CLSPN: variants seen among roughly 807,000 people sequenced by gnomAD.
CLSPN encodes the protein claspin, also known as claspin homolog.
Under a neutral mutation model 156.3 loss-of-function variants are expected in CLSPN, and 85 were observed. The ratio of observed to expected loss-of-function variants is 0.54; its 90% CI spans 0.46 to 0.65. CLSPN has a LOEUF of 0.65. Among genes scored for constraint, CLSPN ranks in the 30% least tolerant of loss-of-function variants. The pLI, the probability that CLSPN is intolerant of heterozygous loss-of-function variation, is 0.00. For missense variants in CLSPN, 1,407 were observed against 1,554.9 expected (o/e 0.90, Z 1.60); for synonymous variants, 534 against 542.4 (o/e 0.98, Z 0.22).
chr1:35,747,991 T>C lies in CLSPN; in HGVS notation c.2543A>G (p.Glu848Gly), dbSNP rs1204433753. Residue 848 changes from glutamate to glycine, a missense_variant, in exon 14 of 25, where the codon GAG becomes GGG. Physicochemically the swap from Glu to Gly is moderately conservative, Grantham distance 98 (BLOSUM62 -2). Coordinates refer to ENST00000318121, the MANE Select transcript of CLSPN (RefSeq NM_022111.4). ...TGCTCCTAGGAAAAGTGTCTTAGGC[T>C]CTGGGGAGGCGTTATACAGATCCTG... is the stretch of plus-strand genomic sequence containing the variant. ...DSQDLYNASPEPKTLFLGAGD... is the reference protein window; with the variant it reads ...DSQDLYNASPGPKTLFLGAGD... 6.2e-7 allele frequency: 1 copy of C among 1,614,014 alleles called. No individual in the cohort carries two copies. Among genetic ancestry groups the C allele is most frequent in the African/African-American group, 1.3e-5 (1 of 74,924 alleles).
At chr1:35,760,205 C>G in intron 8 of CLSPN, 137 bp downstream of exon 8, 1 of 654,644 alleles carries the variant, frequency 1.5e-6, no homozygotes. Flanking sequence ...AGACTCTGCC[C>G]ATATCTGGAA....
In CLSPN at chr1:35,733,806, T is replaced by C; in HGVS notation, c.*2690A>G. 6.9e-6 allele frequency: 4 copies of C among 582,218 alleles called. No individual in the cohort carries two copies. The highest frequency in any genetic ancestry group is 8.6e-6 in the Non-Finnish European group (4 of 462,716). The allele number at this position is 582,218 out of a possible 1,614,324, so 36.1% of individuals were successfully genotyped here. A position where few individuals can be genotyped will look rare whatever the true frequency, so the allele number is the denominator to read the frequency against. On this transcript the variant is annotated 3_prime_UTR_variant, in exon 25 of 25. Coordinates refer to ENST00000318121, the MANE Select transcript of CLSPN (RefSeq NM_022111.4). ...CAGCTGGGGCAACACAGCAAGACCCTGTCTCTACTAAAATAAAATAATTAG... is the reference window on the plus strand; with the variant it reads ...CAGCTGGGGCAACACAGCAAGACCCCGTCTCTACTAAAATAAAATAATTAG...
chr1:35,734,701 GAAAAGA>G lies in CLSPN; in HGVS notation c.*1789_*1794del, dbSNP rs1406148768. The stretch of plus-strand genomic sequence containing the variant: ...TCAAAAAAAAAAAAAGAAAAGAAAA[GAAAAGA>G]AAAAGAAAAAGAAAAGAAAAGAAAA... On this transcript the variant is annotated 3_prime_UTR_variant, in exon 25 of 25. Coordinates refer to ENST00000318121, the MANE Select transcript of CLSPN (RefSeq NM_022111.4). The G allele has an allele frequency of 2.3e-6, 2 of 885,908 alleles. No individual in the cohort carries two copies. Among genetic ancestry groups the G allele is most frequent in the Non-Finnish European group, 2.7e-6 (2 of 742,202 alleles). The allele number at this position is 885,908 out of a possible 1,614,324, so 54.9% of individuals were successfully genotyped here.
intron 24 of CLSPN, among the ~76,000 whole-genome samples, chr1:35,723,630 G>C (rs1641119934): frequency 6.6e-6 from 1 of 152,148 alleles, no homozygotes; most frequent in Non-Finnish European, 1.5e-5. Flanking sequence ...TTTGTGCCAG[G>C]TACTGTGTTG....
rs527467577 is a variant in CLSPN, at chr1:35,733,710, G to A, written c.*2786C>T. 7.6e-5 allele frequency: 75 copies of A among 985,196 alleles called. 1 individual carries two copies. The South Asian group carries it at 3.2e-3, about 42-fold the overall frequency. 61.0% of individuals were successfully genotyped at this position (985,196 alleles called of 1,614,324 possible). On this transcript the variant is annotated 3_prime_UTR_variant, in exon 25 of 25. Coordinates refer to ENST00000318121, the MANE Select transcript of CLSPN (RefSeq NM_022111.4). Reference sequence around the variant, plus strand: ...AAAGCTGTAACAGGCTGGGCATGGTGGCTGAGCCTGTGACCCCAGCATTTT... The same window carrying A: ...AAAGCTGTAACAGGCTGGGCATGGTAGCTGAGCCTGTGACCCCAGCATTTT...
Position 35,734,080 on chromosome 1 carries a change from T to A in CLSPN, c.*2416A>T, listed in dbSNP as rs1641385957. 1.0e-6 allele frequency: 1 copy of A among 985,414 alleles called. No homozygotes were observed. Among genetic ancestry groups the A allele is most frequent in the Admixed American group, 6.1e-5 (1 of 16,284 alleles). 61.0% of individuals were successfully genotyped at this position (985,414 alleles called of 1,614,324 possible). A position where few individuals can be genotyped will look rare whatever the true frequency, so the allele number is the denominator to read the frequency against. On this transcript the variant is annotated 3_prime_UTR_variant, in exon 25 of 25. Transcript: ENST00000318121. ...GCTGAACCCAAACCACTTGGTAAGT[T>A]AACTTGATCAATTCACTAGGACTGA...
At chr1:35,736,662 C>T in intron 24 of CLSPN, 56 bp from the exon 25 acceptor site, 4 of 1,539,804 alleles carry the variant, frequency 2.6e-6, no homozygotes, top group Non-Finnish European at 3.5e-6. Context: ...AAGTATTTAC[C>T]TTCAATTAGC....
In CLSPN at chr1:35,765,231, G is replaced by A. The variant is rs577906781; in HGVS notation, c.120C>T (p.Pro40=). Reference sequence around the variant, plus strand: ...ACTATTACAAACCTCCTTCACTCAAGGGTCCAATTGTTTCATAGCTGCCCT... The same window carrying A: ...ACTATTACAAACCTCCTTCACTCAAAGGTCCAATTGTTTCATAGCTGCCCT... ...SGQGSYETIG[P]LSEGDSDEEI... is the part of the protein sequence containing the mutation. The change falls in exon 2 of 25, where the codon CCC becomes CCT. Residue 40 remains proline, a synonymous_variant. Coordinates refer to ENST00000318121, the MANE Select transcript of CLSPN (RefSeq NM_022111.4). 6.2e-6 allele frequency: 10 copies of A among 1,610,396 alleles called. No homozygotes were observed. The highest frequency in any genetic ancestry group is 8.5e-6 in the Non-Finnish European group (10 of 1,177,178).
At chr1:35,767,239 G>T (rs1426137386) in intron 1 of CLSPN, among the ~76,000 whole-genome samples, 1 of 152,082 alleles carries the variant, frequency 6.6e-6, no homozygotes, top group African/African-American at 2.4e-5. Flanking sequence ...ATATCTCTGA[G>T]TCAAAGAAAT....
intron 1 of CLSPN, among the ~76,000 whole-genome samples, chr1:35,767,527 T>C (rs1305565232): frequency 6.6e-6 from 1 of 152,202 alleles, no homozygotes; most frequent in Non-Finnish European, 1.5e-5. Context: ...ATGATGCCAC[T>C]AGATGAAAAT....
chr1:35,745,744 A>G (rs141309669), intron 15 of CLSPN, among the ~76,000 whole-genome samples, 182 bp from the exon 16 acceptor site: 1 of 152,354 alleles, frequency 6.6e-6, no homozygotes, highest in East Asian at 1.9e-4. Flanking sequence ...GTGCCAGGCC[A>G]CCAGGGATAC....
chr1:35,744,544 C>A (rs1641809008), intron 16 of CLSPN, among the ~76,000 whole-genome samples: 1 of 152,140 alleles, frequency 6.6e-6, no homozygotes, highest in Non-Finnish European at 1.5e-5. Flanking sequence ...GATGCGCCCA[C>A]CTCAGCCACC....
intron 8 of CLSPN, among the ~76,000 whole-genome samples, chr1:35,754,245 T>C (rs1452913966): frequency 6.6e-6 from 1 of 152,246 alleles, no homozygotes; most frequent in Non-Finnish European, 1.5e-5. Context: ...TCTTTAAAAG[T>C]ATTAAACTGG....
rs1642597940 is a variant in CLSPN, at chr1:35,764,437, C to T, written c.411G>A (p.Gln137=). 1 of 1,614,132 alleles carries T rather than the reference C, an allele frequency of 6.2e-7. No homozygotes were observed. The highest frequency in any genetic ancestry group is 8.5e-7 in the Non-Finnish European group (1 of 1,180,020). Residue 137 remains glutamine, a synonymous_variant, in exon 3 of 25, where the codon CAG becomes CAA. Transcript: ENST00000318121. ...QVKPCLELSL[Q]SGNSTDFTTD... ...TGGTAAAGTCTGTAGAGTTTCCAGA[C>T]TGAAGACTCAGCTCTAAGCAAGGTT...
At position 35,734,882 on chromosome 1, in the gene CLSPN, C is replaced by A. The variant is rs1284812559; in HGVS notation, c.*1614G>T. 2.0e-6 allele frequency: 2 copies of A among 985,288 alleles called. No homozygotes were observed. The highest frequency in any genetic ancestry group is 1.7e-5 in the African/African-American group (1 of 57,222). The allele number at this position is 985,288 out of a possible 1,614,324, so 61.0% of individuals were successfully genotyped here. On this transcript the variant is annotated 3_prime_UTR_variant, in exon 25 of 25. Coordinates refer to ENST00000318121, the MANE Select transcript of CLSPN (RefSeq NM_022111.4). ...CATGGAATGTTTTTCCAAAGCAGCA[C>A]TGATGCTCAGTTCTGAGGGGAAAAA... is the stretch of plus-strand genomic sequence containing the variant.
Position 35,738,539 on chromosome 1 carries a change from A to G in CLSPN, c.3474T>C (p.Asp1158=). The G allele has an allele frequency of 6.2e-7, 1 of 1,613,988 alleles. No homozygotes were observed. The highest frequency in any genetic ancestry group is 1.1e-5 in the South Asian group (1 of 91,080). The change falls in exon 21 of 25, where the codon GAT becomes GAC. Residue 1158 remains aspartate (D), a synonymous_variant. Coordinates refer to ENST00000318121, the MANE Select transcript of CLSPN (RefSeq NM_022111.4). The part of the protein sequence containing the change: ...QMDLFHRDSD[D]DQTEEQLDES... ...CATCAAGCTGTTCTTCAGTCTGATC[A>G]TCATCAGAGTCTCTGTGGAACAAGT...
rs1641422948 is a variant in CLSPN at position 35,735,174 on chromosome 1, GTC to G, written c.*1320_*1321del. 1.0e-5 allele frequency: 10 copies of G among 985,392 alleles called. No individual in the cohort carries two copies. The highest frequency in any genetic ancestry group is 1.2e-5 in the Non-Finnish European group (10 of 829,924). The allele number at this position is 985,392 out of a possible 1,614,324, so 61.0% of individuals were successfully genotyped here. ...AATTGAGAATTCAGTCCCAGGAAGGGTCTCTCTGCCCCACAGACTGTGGTGGA... is the reference window on the plus strand; with the variant it reads ...AATTGAGAATTCAGTCCCAGGAAGGGTCTCTGCCCCACAGACTGTGGTGGA... On this transcript the variant is annotated 3_prime_UTR_variant, in exon 25 of 25. Transcript: ENST00000318121.
At chr1:35,748,917 C>T (rs1268706716) in intron 12 of CLSPN, 1 of 367,844 alleles carries the variant, frequency 2.7e-6, no homozygotes, top group African/African-American at 2.2e-5. Flanking sequence ...CCTCCGCCTC[C>T]CAGGTTCAAG....
intron 9 of CLSPN, among the ~76,000 whole-genome samples, chr1:35,752,582 GAAAAA>G (rs58271996): frequency 5.9e-5 from 4 of 67,896 alleles, no homozygotes; most frequent in Non-Finnish European, 8.8e-5. Flanking sequence ...TGTCTTAGAG[GAAAAA>G]AAAAAAAAAA....
Sources: allele counts gnomAD v4.1 joint callset (sites outside exome capture counted in the v4.1 genomes callset), GRCh38; gene constraint gnomAD v4.1.1; transcripts MANE v1.5; gene names NCBI Gene and HGNC (gene_info 2026-07-23, HGNC 2026-07-21).